Variants in IRF2 observed in about 807,000 individuals in gnomAD.
The protein encoded by IRF2 is interferon regulatory factor 2.
In IRF2, 15 loss-of-function variants were observed where a neutral mutation model predicts 40.6. The ratio of observed to expected loss-of-function variants is 0.37; its 90% CI spans 0.25 to 0.57. The LOEUF (loss-of-function observed/expected upper bound fraction) is 0.57, where lower values mean the gene tolerates loss of function less well. Among genes scored for constraint, IRF2 ranks in the 20% least tolerant of loss-of-function variants. The probability of loss-of-function intolerance (pLI) is 0.77; values close to 1 mark genes in which losing one functional copy is unlikely to be tolerated. For synonymous variants in IRF2, 151 were observed against 165.5 expected, an observed-to-expected ratio of 0.91 and a Z score of 0.67; for missense variants, 317 against 455.7, an observed-to-expected ratio of 0.70 and a Z score of 2.77.
chr4:184,468,711 T>C (rs1313737265), intron 1 of IRF2, among the ~76,000 whole-genome samples: 1 of 152,122 alleles, frequency 6.6e-6, no homozygotes, highest in Non-Finnish European at 1.5e-5. Flanking sequence ...ATTTCTACTC[T>C]GGCCACACAC....
Position 184,460,030 on chromosome 4 carries a change from C to T in IRF2, c.-7+14349G>A, listed in dbSNP as rs78488097. On this transcript the variant is annotated intron_variant, in intron 1 of 8. Coordinates refer to ENST00000393593, the MANE Select transcript of IRF2 (RefSeq NM_002199.4). ...AAATAACTGAAAGCAGGGACTCAAA[C>T]AGATACTTTTATACCAATGATCACA... 5.8e-3 allele frequency among the ~76,000 whole-genome samples: 882 copies of T among 152,290 alleles called. 8 individuals are homozygous for T. The highest frequency in any genetic ancestry group is 0.02 in the African/African-American group (826 of 41,560).
At chr4:184,444,004 G>C (rs998680632) in intron 1 of IRF2, among the ~76,000 whole-genome samples, 2 of 152,142 alleles carry the variant, frequency 1.3e-5, no homozygotes, top group African/African-American at 4.8e-5. Context: ...TCATGGAGTA[G>C]GATGGCAGCT....
intron 1 of IRF2, among the ~76,000 whole-genome samples, chr4:184,459,076 C>T: frequency 6.6e-6 from 1 of 151,840 alleles, no homozygotes; most frequent in Non-Finnish European, 1.5e-5. Flanking sequence ...TAATCTTTAT[C>T]CTGAAATACC....
rs35183333 is a variant in IRF2, at chr4:184,412,005, TAA to T, written c.412-3732_412-3731del. Among the ~76,000 whole-genome samples, 419 of 95,236 alleles carry T rather than the reference TAA, an allele frequency of 4.4e-3. 2 individuals are homozygous for T. Among genetic ancestry groups the T allele is most frequent in the Middle Eastern group, 0.012 (2 of 172 alleles). The allele number at this position is 95,236 out of a possible 152,430, so 62.5% of individuals were successfully genotyped here. A position where few individuals can be genotyped will look rare whatever the true frequency, so the allele number is the denominator to read the frequency against. The stretch of plus-strand genomic sequence containing the variant: ...AATTTTCTCCCCTTGCTCCAAAGAT[TAA>T]AAAAAAAAAAAAAAAAAAAAAAGAC... On this transcript the variant is annotated intron_variant, in intron 5 of 8. Transcript: ENST00000393593.
intron 1 of IRF2, among the ~76,000 whole-genome samples, chr4:184,444,200 G>A (rs569465808): frequency 1.3e-5 from 2 of 152,086 alleles, no homozygotes; most frequent in East Asian, 3.9e-4. Flanking sequence ...GAGATGAGGA[G>A]AGGAACCTTA....
intron 1 of IRF2, among the ~76,000 whole-genome samples, chr4:184,450,826 G>A (rs3775577): frequency 0.39 from 59,897 of 151,878 alleles, 12,982 homozygotes; most frequent in Admixed American, 0.49. Flanking sequence ...CAAGGATCAC[G>A]TTAAATGGCA....
intron 6 of IRF2, among the ~76,000 whole-genome samples, chr4:184,401,622 A>T (rs1000843829): frequency 2.6e-5 from 4 of 152,164 alleles, no homozygotes; most frequent in African/African-American, 9.7e-5. Flanking sequence ...ACCTCTCTCT[A>T]GTTTCCTCTG....
At chr4:184,407,162 A>C (rs1241042103) in intron 6 of IRF2, 8 of 1,287,862 alleles carry the variant, frequency 6.2e-6, no homozygotes, top group Non-Finnish European at 8.1e-6. Flanking sequence ...TTTAAATACA[A>C]AAAAAGCACT....
At chr4:184,416,651 C>A (rs925637955) in intron 5 of IRF2, among the ~76,000 whole-genome samples, 1 of 152,072 alleles carries the variant, frequency 6.6e-6, no homozygotes, top group African/African-American at 2.4e-5. Flanking sequence ...GAGCACTTAT[C>A]TTTTAAATAT....
chr4:184,427,169 G>A (rs896560830), intron 2 of IRF2, among the ~76,000 whole-genome samples: 2 of 152,104 alleles, frequency 1.3e-5, no homozygotes, highest in Admixed American at 6.5e-5. Flanking sequence ...TTGTTTCTTT[G>A]GAAGAAGCTG....
intron 1 of IRF2, among the ~76,000 whole-genome samples, chr4:184,454,570 C>T (rs984107367): frequency 6.6e-6 from 1 of 152,202 alleles, no homozygotes; most frequent in Admixed American, 6.5e-5. Flanking sequence ...CACCAGTTTC[C>T]GAATGGTAGC....
chr4:184,426,713 G>A (rs1049514085), intron 2 of IRF2, among the ~76,000 whole-genome samples: 1 of 152,210 alleles, frequency 6.6e-6, no homozygotes, highest in Non-Finnish European at 1.5e-5. Context: ...AACAGGAGAG[G>A]TGTGAGACAC....
At chr4:184,397,636 G>A (rs1175679917) in intron 7 of IRF2, among the ~76,000 whole-genome samples, 8 of 152,100 alleles carry the variant, frequency 5.3e-5, no homozygotes, top group South Asian at 2.1e-4. Context: ...AACGCTGGTC[G>A]GAGCCAGTGT....
intron 7 of IRF2, among the ~76,000 whole-genome samples, chr4:184,392,864 A>C (rs1490242393): frequency 6.6e-6 from 1 of 152,142 alleles, no homozygotes; most frequent in Non-Finnish European, 1.5e-5. Flanking sequence ...ATGAGCATGC[A>C]GAAGACAGAT....
rs1418126633 is a variant in IRF2 at position 184,408,565 on chromosome 4, C to T, written c.412-290G>A. On this transcript the variant is annotated intron_variant, in intron 5 of 8. Transcript: ENST00000393593. This position sits in a 1 kb window ranked among gnomAD's most constrained non-coding sequence, Gnocchi z 4.9. ...CCTGCAGACAATAGCTTTGGGGCTA[C>T]GCAGAGCTGCATCATTGTCTCTGTA... Among the ~76,000 whole-genome samples, 5 of 152,204 alleles carry T rather than the reference C, an allele frequency of 3.3e-5. No individual in the cohort carries two copies. The highest frequency in any genetic ancestry group is 9.6e-5 in the African/African-American group (4 of 41,452).
intron 1 of IRF2, among the ~76,000 whole-genome samples, chr4:184,443,337 T>C (rs1220484668): frequency 6.6e-6 from 1 of 152,182 alleles, no homozygotes; most frequent in Non-Finnish European, 1.5e-5. Flanking sequence ...TAGTACCCAA[T>C]AGGTAGTTTT....
intron 7 of IRF2, among the ~76,000 whole-genome samples, chr4:184,392,935 A>G (rs1579788769): frequency 6.6e-6 from 1 of 152,058 alleles, no homozygotes. Flanking sequence ...AGCCACAGAG[A>G]CCCAGAGAAG....
intron 1 of IRF2, among the ~76,000 whole-genome samples, chr4:184,465,178 G>A (rs1472334301): frequency 1.4e-5 from 2 of 144,384 alleles, no homozygotes; most frequent in Non-Finnish European, 3.1e-5. Flanking sequence ...TCACCAAAAA[G>A]CCACCAATCT....
In IRF2 at chr4:184,406,380, C is replaced by A. The variant is rs550068317; in HGVS notation, c.529+1778G>T. Among the ~76,000 whole-genome samples the A allele has an allele frequency of 2.0e-5, 3 of 152,146 alleles. No homozygotes were observed. In the South Asian group the frequency reaches 6.2e-4, roughly 32 times the overall value. On this transcript the variant is annotated intron_variant, in intron 6 of 8. Coordinates refer to ENST00000393593, the MANE Select transcript of IRF2 (RefSeq NM_002199.4). ...GAGTAGCTGGGACTACAGGCACCTG[C>A]CACCACGCCCAGCTAATTTTTGTAT... is the stretch of plus-strand genomic sequence containing the variant.
Sources: gnomAD v4.1 joint callset for allele counts (sites outside exome capture counted in the v4.1 genomes callset) on GRCh38, gnomAD v4.1.1 for gene constraint, Gnocchi (gnomAD v3.1) non-coding constraint, MANE v1.5 for transcripts, NCBI Gene and HGNC (gene_info 2026-07-23, HGNC 2026-07-21) for gene names.